Variants in KIAA1217 observed in about 807,000 individuals in gnomAD.
The protein encoded by KIAA1217 is KIAA1217, also known as sickle tail protein homolog.
A neutral mutation model predicts 163.9 loss-of-function variants in KIAA1217; 88 were observed. The ratio of observed to expected loss-of-function variants is 0.54; its 90% confidence interval spans 0.45 to 0.64. KIAA1217 has a LOEUF of 0.64. Among genes scored for constraint, KIAA1217 ranks in the 30% least tolerant of loss-of-function variants. The pLI, the probability that KIAA1217 is intolerant of heterozygous loss-of-function variation, is 0.00. For missense variants in KIAA1217, 2,372 were observed against 2,475.0 expected, an observed-to-expected ratio of 0.96 and a Z score of 0.88; for synonymous variants, 903 against 923.1, an observed-to-expected ratio of 0.98 and a Z score of 0.39.
intron 1 of KIAA1217, among the ~76,000 whole-genome samples, chr10:23,899,703 C>A (rs1304703760): frequency 6.6e-6 from 1 of 152,008 alleles, no homozygotes; most frequent in Admixed American, 6.6e-5. Flanking sequence ...CGGTCCATAG[C>A]CAGAGCACTA....
chr10:24,233,537 G>A (rs1052580841), intron 2 of KIAA1217, among the ~76,000 whole-genome samples: 1 of 152,114 alleles, frequency 6.6e-6, no homozygotes, highest in Non-Finnish European at 1.5e-5. Flanking sequence ...TTTGAGTATG[G>A]GATGATCCAG....
rs150010167 is a variant in KIAA1217 at position 23,792,523 on chromosome 10, G to C, written c.-321+97289G>C. ...TTATTATTTTTTGAGATGGAGTCTCGCTCTGTCATCCCAGGCTGGAGTGCA... is the reference window on the plus strand; with the variant it reads ...TTATTATTTTTTGAGATGGAGTCTCCCTCTGTCATCCCAGGCTGGAGTGCA... On this transcript the variant is annotated intron_variant, in intron 1 of 18. Coordinates refer to the KIAA1217 transcript ENST00000376462. 1.3e-3 allele frequency among the ~76,000 whole-genome samples: 190 copies of C among 150,830 alleles called. 13 individuals are homozygous for C. The East Asian group carries it at 0.029, about 23-fold the overall frequency.
intron 2 of KIAA1217, among the ~76,000 whole-genome samples, chr10:24,230,520 T>TC (rs1288941569): frequency 6.8e-6 from 1 of 146,242 alleles, no homozygotes; most frequent in African/African-American, 2.5e-5. Flanking sequence ...TTTTTTTTTT[T>TC]TTTGAGACAG....
At chr10:24,444,248 G>A (rs1384500486) in intron 5 of KIAA1217, among the ~76,000 whole-genome samples, 1 of 152,122 alleles carries the variant, frequency 6.6e-6, no homozygotes, top group African/African-American at 2.4e-5. Flanking sequence ...CTGACCTCAG[G>A]TGATCCACCC....
intron 2 of KIAA1217, among the ~76,000 whole-genome samples, chr10:24,329,820 G>A: frequency 6.6e-6 from 1 of 152,132 alleles, no homozygotes; most frequent in East Asian, 1.9e-4. Flanking sequence ...GTGGCCATTA[G>A]CAAAGAAATC....
chr10:24,061,425 A>G (rs1344531727), intron 2 of KIAA1217, among the ~76,000 whole-genome samples: 1 of 152,226 alleles, frequency 6.6e-6, no homozygotes, highest in Non-Finnish European at 1.5e-5. Context: ...TGATTTAACC[A>G]CTAATGTTAC....
At chr10:24,532,926 G>C in intron 15 of KIAA1217, 144 bp from the exon 16 acceptor site, 2 of 612,406 alleles carry the variant, frequency 3.3e-6, no homozygotes, top group South Asian at 9.8e-5. Context: ...TAAATGCAAA[G>C]GAATAAAATA....
chr10:23,976,696 A>G (rs551281582), intron 1 of KIAA1217, among the ~76,000 whole-genome samples: 1 of 152,300 alleles, frequency 6.6e-6, no homozygotes, highest in Admixed American at 6.5e-5. Flanking sequence ...AAGAAGTCTA[A>G]AGGCTTTGGT....
intron 2 of KIAA1217, among the ~76,000 whole-genome samples, chr10:24,200,810 C>A (rs922372274): frequency 6.6e-6 from 1 of 152,120 alleles, no homozygotes; most frequent in African/African-American, 2.4e-5. Context: ...GCATCCCCAG[C>A]TGCCTTTCTC....
intron 2 of KIAA1217, among the ~76,000 whole-genome samples, chr10:24,021,916 CT>C (rs1847750066): frequency 6.6e-6 from 1 of 151,690 alleles, no homozygotes; most frequent in Non-Finnish European, 1.5e-5. Context: ...AGACACAGTT[CT>C]GACACCTTTC....
intron 3 of KIAA1217, among the ~76,000 whole-genome samples, chr10:24,397,581 A>T (rs1433180174): frequency 6.6e-6 from 1 of 152,172 alleles, no homozygotes; most frequent in Non-Finnish European, 1.5e-5. Context: ...AACGACAAAG[A>T]TCTTATCTGG....
rs58161228 is a variant in KIAA1217 at position 24,422,901 on chromosome 10, C to CTTTTTTTTTTTTTTTTTTTTTTTTTTTT, written c.554-10073_554-10072insTTTTTTTTTTTTTTTTTTTTTTTTTTTT. 4.1e-5 allele frequency among the ~76,000 whole-genome samples: 5 copies of CTTTTTTTTTTTTTTTTTTTTTTTTTTTT among 120,622 alleles called. 1 individual carries two copies. Among genetic ancestry groups the CTTTTTTTTTTTTTTTTTTTTTTTTTTTT allele is most frequent in the Non-Finnish European group, 7.0e-5 (4 of 57,452 alleles). 79.1% of individuals were successfully genotyped at this position (120,622 alleles called of 152,430 possible). A position where few individuals can be genotyped will look rare whatever the true frequency, so the allele number is the denominator to read the frequency against. ...CTCATATTACTTCCTATAGATTTAACTTTTTTTTTTTTTTTTTTTTTGAGA... is the reference window on the plus strand; with the variant it reads ...CTCATATTACTTCCTATAGATTTAACTTTTTTTTTTTTTTTTTTTTTTTTTTTTTTTTTTTTTTTTTTTTTTTTTGAGA... On this transcript the variant is annotated intron_variant, in intron 3 of 20. Transcript: ENST00000376454.
intron 1 of KIAA1217, among the ~76,000 whole-genome samples, chr10:24,001,542 A>T (rs2131465515): frequency 6.6e-6 from 1 of 152,348 alleles, no homozygotes; most frequent in South Asian, 2.1e-4. Flanking sequence ...TGGTTCACAG[A>T]TAGTTATTTT....
chr10:23,853,888 A>T (rs972852208), intron 1 of KIAA1217, among the ~76,000 whole-genome samples: 2 of 151,880 alleles, frequency 1.3e-5, no homozygotes, highest in African/African-American at 4.8e-5. Flanking sequence ...TATTGCATCT[A>T]TTTGATTCTT....
At chr10:23,982,858 C>A (rs1845829972) in intron 1 of KIAA1217, among the ~76,000 whole-genome samples, 1 of 152,064 alleles carries the variant, frequency 6.6e-6, no homozygotes, top group Non-Finnish European at 1.5e-5. Flanking sequence ...GCCACAGCAC[C>A]CGGCCTCTGT....
chr10:23,775,476 A>G (rs543875082), intron 1 of KIAA1217, among the ~76,000 whole-genome samples: 1 of 152,240 alleles, frequency 6.6e-6, no homozygotes, highest in South Asian at 2.1e-4. Flanking sequence ...GTCTCTTAAG[A>G]CACCCAGGTG....
chr10:23,702,351 C>G (rs1298281341), intron 1 of KIAA1217, among the ~76,000 whole-genome samples: 6 of 151,982 alleles, frequency 3.9e-5, no homozygotes. Flanking sequence ...ATTATTTTTT[C>G]TTTTGCCTAG....
chr10:23,905,694 G>A (rs1310528916), intron 1 of KIAA1217, among the ~76,000 whole-genome samples: 1 of 152,036 alleles, frequency 6.6e-6, no homozygotes, highest in Non-Finnish European at 1.5e-5. Context: ...TTCTTTAATG[G>A]AAAAAGAGAG....
chr10:24,409,991 TTTTTTC>T (rs1207518333), intron 3 of KIAA1217, among the ~76,000 whole-genome samples: 12 of 135,628 alleles, frequency 8.8e-5, no homozygotes, highest in East Asian at 4.3e-4. Context: ...TTTCTTTTTC[TTTTTTC>T]TTTTTTTTTT....
Sources: allele counts gnomAD v4.1 joint callset (sites outside exome capture counted in the v4.1 genomes callset), GRCh38; gene constraint gnomAD v4.1.1; transcripts MANE v1.5; gene names NCBI Gene and HGNC (gene_info 2026-07-23, HGNC 2026-07-21).